The following LTBP3 variants were observed in gnomAD, a reference collection of about 807,000 sequenced individuals.
LTBP3 encodes latent-transforming growth factor beta-binding protein 3.
A neutral mutation model predicts 159.7 loss-of-function variants in LTBP3; 97 were observed. The observed-to-expected ratio is 0.61, with a 90% CI of 0.52 to 0.72. LTBP3 has a LOEUF of 0.72. LTBP3 is among the 30% of genes least tolerant of loss of function. LTBP3 has a pLI of 0.00. For missense variants in LTBP3, 1,584 were observed against 1,864.3 expected (o/e 0.85, Z 2.77); for synonymous variants, 824 against 777.1 (o/e 1.06, Z -1.00).
intron 18 of LTBP3, chr11:65,542,304 C>T (rs1296727901): frequency 1.8e-5 from 3 of 165,670 alleles, no homozygotes; most frequent in Admixed American, 1.1e-4. Flanking sequence ...TTGGCCTCCC[C>T]TAGCTGGGAG....
rs750283117 is a variant in LTBP3, at chr11:65,553,393, A to G, written c.970+32T>C. ...GGGGTGGGTGGGGAGGGGCCACCAG[A>G]TAGGGAACGCCCCCTGAGCCCAAGC... On this transcript the variant is annotated intron_variant, in intron 4 of 27. Coordinates refer to ENST00000301873, the MANE Select transcript of LTBP3 (RefSeq NM_001130144.3). This position sits in a 1 kb window ranked among gnomAD's most constrained non-coding sequence, Gnocchi z 6.5. The G allele has an allele frequency of 1.3e-6, 2 of 1,575,056 alleles. No individual in the cohort carries two copies. The highest frequency in any genetic ancestry group is 1.7e-6 in the Non-Finnish European group (2 of 1,147,728).
At chr11:65,540,982 G>A (rs1171237142) in intron 20 of LTBP3, 28 bp from the exon 21 acceptor site, 12 of 1,606,424 alleles carry the variant, frequency 7.5e-6, no homozygotes, top group Non-Finnish European at 6.8e-6. Context: ...CCGTGGGGAG[G>A]GAAGAGGCAG....
chr11:65,557,184 G>T (rs1046520729), intron 1 of LTBP3, among the ~76,000 whole-genome samples: 3 of 152,146 alleles, frequency 2.0e-5, no homozygotes, highest in Non-Finnish European at 2.9e-5. Flanking sequence ...GGGAATGCAG[G>T]TGTCTACTCT....
Position 65,558,201 on chromosome 11 carries a change from C to G in LTBP3, c.-242G>C. The G allele has an allele frequency of 1.9e-6, 2 of 1,059,542 alleles. No individual in the cohort carries two copies. The highest frequency in any genetic ancestry group is 2.3e-6 in the Non-Finnish European group (2 of 876,318). 65.6% of individuals were successfully genotyped at this position (1,059,542 alleles called of 1,614,324 possible). ...CGAAGCCCAGACCAGGCCCCGAACTCAGGCAGGAGCGAGGAGGCCGGAGCA... is the reference window on the plus strand; with the variant it reads ...CGAAGCCCAGACCAGGCCCCGAACTGAGGCAGGAGCGAGGAGGCCGGAGCA... On this transcript the variant is annotated 5_prime_UTR_variant, in exon 1 of 28. Transcript: ENST00000301873.
At position 65,547,033 on chromosome 11, in the gene LTBP3, C is replaced by G; in HGVS notation, c.2108-113G>C. On this transcript the variant is annotated intron_variant, in intron 14 of 27. Transcript: ENST00000301873. The surrounding 1 kb of genome is among the most constrained non-coding windows in gnomAD (Gnocchi z 4.6). ...CACAGATCAACGAGGCTCCCGGACC[C>G]CAACCTCTGAGAGGCCCAGAGCCGA... 6.7e-7 allele frequency: 1 copy of G among 1,483,340 alleles called. No homozygotes were observed. The highest frequency in any genetic ancestry group is 1.4e-5 in the African/African-American group (1 of 72,490). The allele number at this position is 1,483,340 out of a possible 1,614,324, so 91.9% of individuals were successfully genotyped here.
Position 65,552,476 on chromosome 11 carries a change from G to A in LTBP3, c.1187-70C>T. Reference sequence around the variant, plus strand: ...GCCCACGTCCCTCTGCCCAGCTGCTGCAGACCTTGCCTCTCCGGCCCAGAC... The same window carrying A: ...GCCCACGTCCCTCTGCCCAGCTGCTACAGACCTTGCCTCTCCGGCCCAGAC... On this transcript the variant is annotated intron_variant, in intron 6 of 27. Coordinates refer to ENST00000301873, the MANE Select transcript of LTBP3 (RefSeq NM_001130144.3). The surrounding 1 kb of genome is among the most constrained non-coding windows in gnomAD (Gnocchi z 6.0). 1 of 1,582,948 alleles carries A rather than the reference G, an allele frequency of 6.3e-7. No individual in the cohort carries two copies. The highest frequency in any genetic ancestry group is 8.6e-7 in the Non-Finnish European group (1 of 1,165,662).
At position 65,547,497 on chromosome 11, in the gene LTBP3, G is replaced by C; in HGVS notation, c.2049C>G (p.Tyr683Ter). 1 of 1,614,160 alleles carries C rather than the reference G, an allele frequency of 6.2e-7. No homozygotes were observed. The highest frequency in any genetic ancestry group is 8.5e-7 in the Non-Finnish European group (1 of 1,180,008). Residue 683 changes from tyrosine to a stop codon, truncating the protein, a stop_gained, in exon 14 of 28, where the codon TAC becomes TAG. Transcript: ENST00000301873. LOFTEE classifies it high-confidence loss of function. This position sits in a 1 kb window ranked among gnomAD's most constrained non-coding sequence, Gnocchi z 4.6. ...GGFCINFPGH[Y>*]KCNCYPGYRL... Reference sequence around the variant, plus strand: ...GGTAGCCGGGGTAGCAGTTGCACTTGTAGTGACCGGGAAAGTTGATGCAGA... The same window carrying C: ...GGTAGCCGGGGTAGCAGTTGCACTTCTAGTGACCGGGAAAGTTGATGCAGA...
Position 65,539,479 on chromosome 11 carries a change from A to G in LTBP3, c.3629-20T>C, listed in dbSNP as rs542733677. The G allele has an allele frequency of 5.1e-5, 80 of 1,582,896 alleles. No individual in the cohort carries two copies. The East Asian group carries it at 1.7e-3, about 34-fold the overall frequency. On this transcript the variant is annotated intron_variant, in intron 26 of 27. Transcript: ENST00000301873. ...CCTCATCTGCGTGGCCCGGAACAAT[A>G]TGGACTTCAACACTGAGCCCCGGCC...
chr11:65,541,972 GA>G (rs1483696506), intron 18 of LTBP3: 1 of 493,906 alleles, frequency 2.0e-6, no homozygotes, highest in Non-Finnish European at 3.7e-6. Context: ...AGCCCAAATG[GA>G]AAGGCCTCAA....
Position 65,552,160 on chromosome 11 carries a change from G to A in LTBP3, c.1346-3C>T, listed in dbSNP as rs1476900752. 1 of 1,614,026 alleles carries A rather than the reference G, an allele frequency of 6.2e-7. No homozygotes were observed. The highest frequency in any genetic ancestry group is 8.5e-7 in the Non-Finnish European group (1 of 1,180,016). On this transcript the variant is annotated splice_polypyrimidine_tract_variant and splice_region_variant and intron_variant, in intron 7 of 27. Coordinates refer to ENST00000301873, the MANE Select transcript of LTBP3 (RefSeq NM_001130144.3). This position sits in a 1 kb window ranked among gnomAD's most constrained non-coding sequence, Gnocchi z 6.0. Reference sequence around the variant, plus strand: ...TGGGCAGATCTCCTTGAACGCAGCTGCAGTCAAGACAGCAGACACAAAAGT... The same window carrying A: ...TGGGCAGATCTCCTTGAACGCAGCTACAGTCAAGACAGCAGACACAAAAGT...
intron 21 of LTBP3, 55 bp from the exon 22 acceptor site, chr11:65,540,669 T>C: frequency 7.0e-7 from 1 of 1,426,676 alleles, no homozygotes; most frequent in Non-Finnish European, 9.4e-7. Flanking sequence ...CCCGGAGGCG[T>C]GGGCTGGGCG....
At position 65,540,702 on chromosome 11, in the gene LTBP3, C is replaced by T. The variant is rs991877578; in HGVS notation, c.2978-88G>A. ...GCGCACCACCGGAGCGAAGCCATCC[C>T]CGGGCGGGGCCTACAGGAGGGGCGG... On this transcript the variant is annotated intron_variant, in intron 21 of 27. Coordinates refer to ENST00000301873, the MANE Select transcript of LTBP3 (RefSeq NM_001130144.3). 1.4e-5 allele frequency: 16 copies of T among 1,149,596 alleles called. No homozygotes were observed. The East Asian group carries it at 5.2e-4, about 37-fold the overall frequency. The allele number at this position is 1,149,596 out of a possible 1,614,324, so 71.2% of individuals were successfully genotyped here.
Position 65,547,930 on chromosome 11 carries a change from G to T in LTBP3, c.1836C>A (p.Arg612=). Residue 612 remains arginine, a synonymous_variant, in exon 12 of 28, where the codon CGC becomes CGA. Coordinates refer to ENST00000301873, the MANE Select transcript of LTBP3 (RefSeq NM_001130144.3). The surrounding 1 kb of genome is among the most constrained non-coding windows in gnomAD (Gnocchi z 4.6). ...NPGYRSHPQH[R]YCVDVNECEA... ...CTGCCCTGCGCTCACCCACGCAGTAGCGGTGCTGGGGATGTGACCGGTAGC... is the reference window on the plus strand; with the variant it reads ...CTGCCCTGCGCTCACCCACGCAGTATCGGTGCTGGGGATGTGACCGGTAGC... The T allele has an allele frequency of 6.2e-7, 1 of 1,613,840 alleles. No homozygotes were observed. The highest frequency in any genetic ancestry group is 8.5e-7 in the Non-Finnish European group (1 of 1,180,000).
Position 65,551,156 on chromosome 11 carries a change from C to T in LTBP3, c.1690G>A (p.Ala564Thr). 1 of 1,553,874 alleles carries T rather than the reference C, an allele frequency of 6.4e-7. No individual in the cohort carries two copies. The highest frequency in any genetic ancestry group is 1.9e-5 in the Admixed American group (1 of 51,494). ...ACCTGAGTGGGAGCGATCTCTACGGCGCTGCGGGAAGGAGGCAAGTCCGGC... is the reference window on the plus strand; with the variant it reads ...ACCTGAGTGGGAGCGATCTCTACGGTGCTGCGGGAAGGAGGCAAGTCCGGC... ...FLPDLPPSRS[A>T]VEIAPTQVTE... The change falls in exon 11 of 28, where the codon GCC becomes ACC. Residue 564 changes from alanine (A) to threonine (T), a missense_variant. Transcript: ENST00000301873.
rs748632960 is a variant in LTBP3, at chr11:65,539,869, T to G, written c.3398A>C (p.Glu1133Ala). The change falls in exon 25 of 28, where the codon GAG becomes GCG. Residue 1133 changes from glutamate (E) to alanine (A), a missense_variant. Around this residue, in one of 6 missense-constraint regions of LTBP3, gnomAD observed 514 missense variants for 530.3 expected, o/e 0.97. Coordinates refer to ENST00000301873, the MANE Select transcript of LTBP3 (RefSeq NM_001130144.3). Reference protein sequence around the residue: ...LPESPAERAPERRDVCWSQRG... With the variant: ...LPESPAERAPARRDVCWSQRG... ...CTGGCTCCAGCACACGTCGCGCCGC[T>G]CCGGGGCACGCTCTGCGGAAGACAC... The G allele has an allele frequency of 2.0e-5, 31 of 1,514,714 alleles. No individual in the cohort carries two copies. In the South Asian group the frequency reaches 3.3e-4, roughly 16 times the overall value. 93.8% of individuals were successfully genotyped at this position (1,514,714 alleles called of 1,614,324 possible).
At position 65,540,106 on chromosome 11, in the gene LTBP3, C is replaced by T. The variant is rs1005265947; in HGVS notation, c.3292G>A (p.Val1098Ile). 20 of 1,526,526 alleles carry T rather than the reference C, an allele frequency of 1.3e-5. No homozygotes were observed. Among genetic ancestry groups the T allele is most frequent in the Non-Finnish European group, 1.8e-5 (20 of 1,140,860 alleles). 94.6% of individuals were successfully genotyped at this position (1,526,526 alleles called of 1,614,324 possible). ...DPAACRPGRCVNLPGSYRCEC... is the reference protein window; with the variant it reads ...DPAACRPGRCINLPGSYRCEC... ...CAGCGGTAGGAGCCCGGCAGGTTGA[C>T]GCAGCGGCCAGGGCGGCAGGCTGCC... The change falls in exon 24 of 28, where the codon GTC (valine) becomes ATC (isoleucine). Residue 1098 changes from valine (V) to isoleucine (I), a missense_variant. By Grantham distance (29) the Val-to-Ile change is conservative (BLOSUM62 3). Transcript: ENST00000301873.
intron 18 of LTBP3, chr11:65,542,086 A>C (rs1481568025): frequency 2.9e-6 from 1 of 345,612 alleles, no homozygotes; most frequent in Non-Finnish European, 5.7e-6. Flanking sequence ...TCCTCTGTAA[A>C]CACAACTAGC....
chr11:65,557,738 G>C lies in LTBP3; in HGVS notation c.222C>G (p.Thr74=), dbSNP rs1856858708. The change falls in exon 1 of 28, where the codon ACC becomes ACG. Residue 74 remains threonine, a synonymous_variant. Coordinates refer to ENST00000301873, the MANE Select transcript of LTBP3 (RefSeq NM_001130144.3). Reference sequence around the variant, plus strand: ...TGTCCCGACACTGGCCCTTGAGACAGGTCCGCTTGCAGATCACCGGCGCAA... The same window carrying C: ...TGTCCCGACACTGGCCCTTGAGACACGTCCGCTTGCAGATCACCGGCGCAA... ...VVFAPVICKR[T]CLKGQCRDSC... 2 of 1,607,108 alleles carry C rather than the reference G, an allele frequency of 1.2e-6. No individual in the cohort carries two copies.
In LTBP3 at chr11:65,546,328, A is replaced by C; in HGVS notation, c.2353+114T>G. The C allele has an allele frequency of 7.8e-7, 1 of 1,281,640 alleles. No homozygotes were observed. 79.4% of individuals were successfully genotyped at this position (1,281,640 alleles called of 1,614,324 possible). ...GTTGAGAAAATGAGTGAGCAGAGTC[A>C]CCTGGGGATGAATGAGCCACCTTCC... On this transcript the variant is annotated intron_variant, in intron 16 of 27. Coordinates refer to ENST00000301873, the MANE Select transcript of LTBP3 (RefSeq NM_001130144.3). The surrounding 1 kb of genome is among the most constrained non-coding windows in gnomAD (Gnocchi z 4.0).
Sources: gnomAD v4.1 joint callset for allele counts (sites outside exome capture counted in the v4.1 genomes callset) on GRCh38, gnomAD v4.1.1 for gene constraint, gnomAD v4.1.1 regional missense constraint, Gnocchi (gnomAD v3.1) non-coding constraint, MANE v1.5 for transcripts, NCBI Gene and HGNC (gene_info 2026-07-23, HGNC 2026-07-21) for gene names.